Variants in TCOF1 observed in about 807,000 individuals in gnomAD.
TCOF1 encodes the protein treacle ribosome biogenesis factor 1, also known as treacle protein.
A neutral mutation model predicts 149.0 loss-of-function variants in TCOF1; 33 were observed. That is an observed-to-expected ratio of 0.22 (90% CI 0.17 to 0.30). The LOEUF is 0.30. TCOF1 is among the 10% of genes least tolerant of loss of function. TCOF1 has a pLI of 1.00. For synonymous variants in TCOF1, 789 were observed against 738.8 expected (o/e 1.07, Z -1.10); for missense variants, 1,728 against 1,840.7 (o/e 0.94, Z 1.12).
intron 13 of TCOF1, 40 bp from the exon 14 acceptor site, chr5:150,376,383 T>G (rs1182310838): frequency 6.2e-7 from 1 of 1,614,034 alleles, no homozygotes; most frequent in East Asian, 2.2e-5. Context: ...CGTGGTCCTT[T>G]GGACTCCTGG....
At position 150,376,680 on chromosome 5, in the gene TCOF1, G is replaced by T. The variant is rs556171635; in HGVS notation, c.2340+60G>T. On this transcript the variant is annotated intron_variant, in intron 14 of 26. Coordinates refer to ENST00000643257, the MANE Select transcript of TCOF1 (RefSeq NM_001371623.1). Reference sequence around the variant, plus strand: ...CACCTGTTCCTGAGCCAGGGCTGAGGATGGGCTTGACTGGGGGCTAGTGTT... The same window carrying T: ...CACCTGTTCCTGAGCCAGGGCTGAGTATGGGCTTGACTGGGGGCTAGTGTT... 11 of 1,528,594 alleles carry T rather than the reference G, an allele frequency of 7.2e-6. No individual in the cohort carries two copies. In the African/African-American group the frequency reaches 1.5e-4, roughly 21 times the overall value. The allele number at this position is 1,528,594 out of a possible 1,614,324, so 94.7% of individuals were successfully genotyped here. A position where few individuals can be genotyped will look rare whatever the true frequency, so the allele number is the denominator to read the frequency against.
chr5:150,373,759 C>G (rs1467367186), intron 7 of TCOF1, among the ~76,000 whole-genome samples: 1 of 152,224 alleles, frequency 6.6e-6, no homozygotes, highest in Non-Finnish European at 1.5e-5. Flanking sequence ...TTGCACACCC[C>G]CTCCCCACAG....
chr5:150,397,259 C>T (rs1038380464), intron 24 of TCOF1, among the ~76,000 whole-genome samples: 12 of 151,874 alleles, frequency 7.9e-5, no homozygotes, highest in Non-Finnish European at 1.3e-4. Flanking sequence ...GTCAGCACTG[C>T]CAGGAATGCT....
intron 5 of TCOF1, 87 bp downstream of exon 5, chr5:150,368,989 T>A: frequency 6.5e-7 from 1 of 1,546,306 alleles, no homozygotes; most frequent in Non-Finnish European, 8.9e-7. Context: ...TCTGGGACAT[T>A]TCTGGAATCA....
chr5:150,362,626 G>T (rs1247165914), intron 2 of TCOF1, among the ~76,000 whole-genome samples: 2 of 152,160 alleles, frequency 1.3e-5, no homozygotes, highest in African/African-American at 4.8e-5. Flanking sequence ...GTCATTAGAG[G>T]TGTGTAAACA....
At chr5:150,373,630 C>T (rs1022854891) in intron 7 of TCOF1, among the ~76,000 whole-genome samples, 2 of 152,320 alleles carry the variant, frequency 1.3e-5, no homozygotes, top group East Asian at 1.9e-4. Flanking sequence ...CCCCATGAGG[C>T]TGAGGGTGGG....
At chr5:150,398,847 AG>A (rs1270402482) in intron 25 of TCOF1, among the ~76,000 whole-genome samples, 174 bp from the exon 26 acceptor site, 1 of 152,252 alleles carries the variant, frequency 6.6e-6, no homozygotes, top group Non-Finnish European at 1.5e-5. Flanking sequence ...CACCTTGGCC[AG>A]CAGGGCCTCA....
chr5:150,393,440 C>T lies in TCOF1; in HGVS notation c.3672C>T (p.Pro1224=). Residue 1224 remains proline, a synonymous_variant, in exon 23 of 27, where the codon CCC becomes CCT. Coordinates refer to ENST00000643257, the MANE Select transcript of TCOF1 (RefSeq NM_001371623.1). ...ATTCCCAGGCCTCAAAAGCCACTCC[C>T]AAGCTAGACTCCAGCCCCTCAGTTT... ...PANSQASKAT[P]KLDSSPSVSS... is the part of the protein sequence containing the mutation. 1 of 1,614,156 alleles carries T rather than the reference C, an allele frequency of 6.2e-7. No individual in the cohort carries two copies. The highest frequency in any genetic ancestry group is 8.5e-7 in the Non-Finnish European group (1 of 1,180,034).
chr5:150,392,613 TG>T (rs749607560), intron 21 of TCOF1, 91 bp from the exon 22 acceptor site: 37 of 1,293,616 alleles, frequency 2.9e-5, no homozygotes, highest in Non-Finnish European at 3.2e-5. Flanking sequence ...GTGAGGGACC[TG>T]CAGAGAGACC....
intron 24 of TCOF1, among the ~76,000 whole-genome samples, chr5:150,397,190 T>C (rs949510298): frequency 6.8e-6 from 1 of 147,614 alleles, no homozygotes; most frequent in Non-Finnish European, 1.5e-5. Flanking sequence ...AGAAGTGGTT[T>C]GTCCAGAGTC....
At chr5:150,357,916 G>GCCCGCGC (rs943961682) in intron 1 of TCOF1, 62 bp downstream of exon 1, 10 of 1,517,070 alleles carry the variant, frequency 6.6e-6, no homozygotes, top group South Asian at 3.6e-5. Context: ...GCGGCCCGCG[G>GCCCGCGC]CCCGCGCCCC....
chr5:150,389,809 T>C, intron 18 of TCOF1, 78 bp from the exon 19 acceptor site: 1 of 1,611,390 alleles, frequency 6.2e-7, no homozygotes, highest in Non-Finnish European at 8.5e-7. Flanking sequence ...CACAGGCCGG[T>C]AAATTGGGTT....
intron 1 of TCOF1, among the ~76,000 whole-genome samples, chr5:150,358,591 C>T (rs957476571): frequency 8.5e-5 from 13 of 152,136 alleles, no homozygotes; most frequent in African/African-American, 3.1e-4. Context: ...AATCCCAGCA[C>T]TTAGGGAGGC....
chr5:150,385,542 A>G (rs17713205), intron 17 of TCOF1, among the ~76,000 whole-genome samples: 2,199 of 152,312 alleles, frequency 0.014, 21 homozygotes, highest in Non-Finnish European at 0.02. Context: ...AGATCTGTTA[A>G]GCAGCCTCAG....
chr5:150,376,748 C>T (rs1763902069), intron 14 of TCOF1, 128 bp downstream of exon 14: 1 of 907,560 alleles, frequency 1.1e-6, no homozygotes, highest in African/African-American at 1.7e-5. Flanking sequence ...CTCAACACAG[C>T]TTCCTTCCCT....
chr5:150,384,538 C>T, intron 17 of TCOF1: 1 of 985,496 alleles, frequency 1.0e-6, no homozygotes, highest in Non-Finnish European at 1.2e-6. Context: ...GGCCACCTGC[C>T]TCTCTGAGGG....
chr5:150,372,652 G>C (rs372561605), intron 7 of TCOF1, among the ~76,000 whole-genome samples: 3 of 152,324 alleles, frequency 2.0e-5, no homozygotes, highest in Middle Eastern at 3.4e-3. Flanking sequence ...GGGCAAGACA[G>C]GGGGGCTGGA....
Position 150,392,165 on chromosome 5 carries a change from C to T in TCOF1, c.3506C>T (p.Ala1169Val), listed in dbSNP as rs1343790325. The part of the protein sequence containing the change: ...DGEGPQGAKS[A>V]HTLVGPTPSR... ...GAAGGGCCCCAGGGGGCCAAGTCAG[C>T]CCACACGCTGGGTGAGGGTGCCAGG... The change falls in exon 21 of 27, where the codon GCC (alanine) becomes GTC (valine). Residue 1169 changes from alanine (A) to valine (V), a missense_variant. Physicochemically the swap from Ala to Val is moderately conservative, Grantham distance 64 (BLOSUM62 0). This residue lies in a region of TCOF1 where 1,696 missense variants were observed against 1,765.4 expected (regional missense o/e 0.96). Coordinates refer to ENST00000643257, the MANE Select transcript of TCOF1 (RefSeq NM_001371623.1). 4.3e-6 allele frequency: 7 copies of T among 1,613,802 alleles called. No homozygotes were observed. In the East Asian group the frequency reaches 1.6e-4, roughly 36 times the overall value.
chr5:150,383,239 G>C, intron 17 of TCOF1: 1 of 1,362,406 alleles, frequency 7.3e-7, no homozygotes, highest in Non-Finnish European at 9.9e-7. Flanking sequence ...TTGCAGGAGA[G>C]GGCAGATCTT....
Sources: allele counts gnomAD v4.1 joint callset (sites outside exome capture counted in the v4.1 genomes callset), GRCh38; gene constraint gnomAD v4.1.1; regional missense constraint gnomAD v4.1.1; transcripts MANE v1.5; gene names NCBI Gene and HGNC (gene_info 2026-07-23, HGNC 2026-07-21).